Variants in ETFB observed in about 807,000 individuals in gnomAD.
The protein encoded by ETFB is electron transfer flavoprotein subunit beta.
Under a neutral mutation model 25.6 loss-of-function variants are expected in ETFB, and 20 were observed. That is an observed-to-expected ratio of 0.78 (90% confidence interval 0.55 to 1.14). The LOEUF (loss-of-function observed/expected upper bound fraction) is 1.14, where lower values mean the gene tolerates loss of function less well. ETFB is among the 50% of genes most tolerant of loss of function. The probability of loss-of-function intolerance (pLI) is 0.00; values close to 1 mark genes in which losing one functional copy is unlikely to be tolerated. For missense variants in ETFB, 286 were observed against 342.6 expected, an observed-to-expected ratio of 0.83 and a Z score of 1.30; for synonymous variants, 142 against 146.7, an observed-to-expected ratio of 0.97 and a Z score of 0.23.
chr19:51,351,874 T>G (rs1164798250), intron 3 of ETFB, among the ~76,000 whole-genome samples: 4 of 152,018 alleles, frequency 2.6e-5, no homozygotes, highest in African/African-American at 9.7e-5. Flanking sequence ...CTCTGCTGTC[T>G]CCGTGCTCTG....
Position 51,350,405 on chromosome 19 carries a change from G to C in ETFB, c.376-14C>G. The C allele has an allele frequency of 7.7e-7, 1 of 1,305,512 alleles. No homozygotes were observed. The highest frequency in any genetic ancestry group is 1.1e-6 in the Non-Finnish European group (1 of 903,730). 80.9% of individuals were successfully genotyped at this position (1,305,512 alleles called of 1,614,324 possible). The stretch of plus-strand genomic sequence containing the variant: ...ATCATCGATGGCCTGAATGGGGAGA[G>C]ACAGAAGACTGTATGACAATCAGTG... On this transcript the variant is annotated splice_polypyrimidine_tract_variant and intron_variant, in intron 3 of 5. Coordinates refer to ENST00000309244, the MANE Select transcript of ETFB (RefSeq NM_001985.3).
chr19:51,363,942 C>A (rs1035457754), intron 1 of ETFB, among the ~76,000 whole-genome samples: 1 of 152,088 alleles, frequency 6.6e-6, no homozygotes, highest in Non-Finnish European at 1.5e-5. Context: ...GGGAAGTGGA[C>A]GGCTGAAGCA....
intron 2 of ETFB, among the ~76,000 whole-genome samples, chr19:51,353,880 T>C (rs56071140): frequency 0.038 from 71 of 1,854 alleles, 9 homozygotes; most frequent in African/African-American, 0.15. Context: ...CCCATCCCCT[T>C]CTTCCTCAGA....
Position 51,350,030 on chromosome 19 carries a change from A to G in ETFB, c.438+299T>C, listed in dbSNP as rs371666775. Among the ~76,000 whole-genome samples the G allele has an allele frequency of 1.5e-3, 234 of 152,294 alleles. 1 individual carries two copies. Among genetic ancestry groups the G allele is most frequent in the African/African-American group, 5.1e-3 (213 of 41,564 alleles). On this transcript the variant is annotated intron_variant, in intron 4 of 5. Transcript: ENST00000309244. ...CTCCCAAAGTGCTGGGATTACAGGCATGACTCACCATGCCTGGCCCCAGCC... is the reference window on the plus strand; with the variant it reads ...CTCCCAAAGTGCTGGGATTACAGGCGTGACTCACCATGCCTGGCCCCAGCC...
At chr19:51,359,654 G>A (rs12971528) in intron 1 of ETFB, among the ~76,000 whole-genome samples, 72,138 of 152,038 alleles carry the variant, frequency 0.47, 18,129 homozygotes, top group Non-Finnish European at 0.55. Context: ...AGCTTGAGTT[G>A]ATTTTAAGCT....
At chr19:51,355,123 G>T (rs1256196198) in intron 1 of ETFB, 1 of 162,442 alleles carries the variant, frequency 6.2e-6, no homozygotes, top group Non-Finnish European at 1.4e-5. Context: ...CTGTGCAGAA[G>T]CTCTTTAGTT....
intron 1 of ETFB, among the ~76,000 whole-genome samples, chr19:51,359,378 C>T (rs1032445063): frequency 1.3e-5 from 2 of 150,746 alleles, no homozygotes; most frequent in African/African-American, 4.9e-5. Context: ...AAAAAAAAAA[C>T]ACAACATAGG....
intron 5 of ETFB, 107 bp downstream of exon 5, chr19:51,346,793 G>T: frequency 8.8e-7 from 1 of 1,141,042 alleles, no homozygotes; most frequent in Non-Finnish European, 1.2e-6. Flanking sequence ...CTGTGCACGA[G>T]ACCTCCTTTG....
chr19:51,345,616 C>A, intron 5 of ETFB: 1 of 575,636 alleles, frequency 1.7e-6, no homozygotes, highest in Non-Finnish European at 3.1e-6. Context: ...TTTAGGTAAC[C>A]AAATCAGGAA....
intron 4 of ETFB, chr19:51,347,514 G>GC (rs1985828673): frequency 5.1e-6 from 1 of 194,566 alleles, no homozygotes; most frequent in South Asian, 9.2e-5. Flanking sequence ...GCTCCCAACG[G>GC]CCCCCCGTGA....
At chr19:51,361,413 G>A (rs572723440) in intron 1 of ETFB, among the ~76,000 whole-genome samples, 4 of 152,274 alleles carry the variant, frequency 2.6e-5, no homozygotes, top group African/African-American at 9.6e-5. Context: ...TCACTAACTC[G>A]GCGGGGGGCA....
At chr19:51,345,567 AGGAGGCCCT>A in intron 5 of ETFB, 186 bp from the exon 6 acceptor site, 3 of 647,242 alleles carry the variant, frequency 4.6e-6, no homozygotes, top group Non-Finnish European at 8.3e-6. Flanking sequence ...CCTGCTGGCT[AGGAGGCCCT>A]GGGAGGCCCA....
chr19:51,347,118 G>C, intron 4 of ETFB, 60 bp from the exon 5 acceptor site: 1 of 1,554,200 alleles, frequency 6.4e-7, no homozygotes, highest in Non-Finnish European at 8.9e-7. Flanking sequence ...GACCCGAGCA[G>C]TCTGCTTATG....
chr19:51,347,112 C>T (rs984189393), intron 4 of ETFB, 54 bp from the exon 5 acceptor site: 30 of 1,591,694 alleles, frequency 1.9e-5, no homozygotes, highest in Middle Eastern at 1.7e-4. Context: ...AGGTCCGACC[C>T]GAGCAGTCTG....
rs1130426 is a variant in ETFB at position 51,347,036 on chromosome 19, G to A, written c.461C>T (p.Thr154Met). 0.54 allele frequency: 876,653 copies of A among 1,612,956 alleles called. 243,793 individuals are homozygous for A. The highest frequency in any genetic ancestry group is 0.58 in the Non-Finnish European group (683,555 of 1,179,456). ...WPQGTFASQV[T>M]LEGDKLKVER... ...CACTTTCAACTTGTCCCCCTCCAGC[G>A]TCACCTGGGAGGCGAATGTGCCCTG... The change falls in exon 5 of 6, where the codon ACG becomes ATG. Residue 154 changes from threonine to methionine, a missense_variant. By Grantham distance (81) the Thr-to-Met change is moderately conservative (BLOSUM62 -1). Transcript: ENST00000309244.
chr19:51,364,863 T>C (rs1986314612), intron 1 of ETFB, among the ~76,000 whole-genome samples: 1 of 152,272 alleles, frequency 6.6e-6, no homozygotes, highest in South Asian at 2.1e-4. Context: ...CTGACAGGCC[T>C]CAGTTTCCTC....
intron 1 of ETFB, among the ~76,000 whole-genome samples, chr19:51,362,170 CACACACA>C (rs1986248766): frequency 1.8e-5 from 1 of 55,920 alleles, no homozygotes; most frequent in Non-Finnish European, 6.0e-5. Flanking sequence ...CATACACACA[CACACACA>C]CACACACACA....
intron 4 of ETFB, 84 bp from the exon 5 acceptor site, chr19:51,347,142 C>G: frequency 7.4e-7 from 1 of 1,355,600 alleles, no homozygotes; most frequent in Non-Finnish European, 1.0e-6. Flanking sequence ...CTACTGAGTA[C>G]ACGCATGGAC....
intron 1 of ETFB, chr19:51,354,699 G>A: frequency 6.3e-7 from 1 of 1,594,620 alleles, no homozygotes; most frequent in Non-Finnish European, 8.6e-7. Context: ...TACAAATGAG[G>A]AGAAGAAAAG....
Sources: allele counts gnomAD v4.1 joint callset (sites outside exome capture counted in the v4.1 genomes callset), GRCh38; gene constraint gnomAD v4.1.1; transcripts MANE v1.5; gene names NCBI Gene and HGNC (gene_info 2026-07-23, HGNC 2026-07-21).